IGF1R: variants seen among roughly 807,000 people sequenced by gnomAD.
IGF1R encodes insulin-like growth factor 1 receptor.
Under a neutral mutation model 144.6 loss-of-function variants are expected in IGF1R, and 44 were observed. The observed-to-expected ratio is 0.30, with a 90% CI of 0.24 to 0.39. The LOEUF (loss-of-function observed/expected upper bound fraction) is 0.39, where lower values mean the gene tolerates loss of function less well. Among genes scored for constraint, IGF1R ranks in the 10% least tolerant of loss-of-function variants. The probability of loss-of-function intolerance (pLI) is 1.00; values close to 1 mark genes in which losing one functional copy is unlikely to be tolerated. For synonymous variants in IGF1R, 795 were observed against 722.8 expected (o/e 1.10, Z -1.60); for missense variants, 1,355 against 1,833.7 (o/e 0.74, Z 4.77).
chr15:98,799,657 T>C (rs1447957784), intron 2 of IGF1R, among the ~76,000 whole-genome samples: 5 of 152,048 alleles, frequency 3.3e-5, no homozygotes, highest in Admixed American at 2.6e-4. Flanking sequence ...CCGAGTGTGG[T>C]AGAAAGGAGT....
intron 8 of IGF1R, among the ~76,000 whole-genome samples, chr15:98,915,597 G>T (rs573134897): frequency 6.6e-6 from 1 of 152,184 alleles, no homozygotes; most frequent in Non-Finnish European, 1.5e-5. Context: ...CGAAATTGCC[G>T]GAGTGCAGCA....
chr15:98,765,705 C>A (rs1481680562), intron 2 of IGF1R, among the ~76,000 whole-genome samples: 10 of 152,106 alleles, frequency 6.6e-5, no homozygotes, highest in Admixed American at 6.5e-4. Flanking sequence ...GAAAAATATT[C>A]AAAACTTACC....
chr15:98,803,748 C>T (rs1432034791), intron 2 of IGF1R, among the ~76,000 whole-genome samples: 1 of 152,092 alleles, frequency 6.6e-6, no homozygotes, highest in Non-Finnish European at 1.5e-5. Context: ...TTAAGTGATC[C>T]ACCCGCCTCG....
In IGF1R at chr15:98,935,989, T is replaced by G. The variant is rs1295612174; in HGVS notation, c.3297+563T>G. Among the ~76,000 whole-genome samples, 2 of 152,214 alleles carry G rather than the reference T, an allele frequency of 1.3e-5. No homozygotes were observed. The highest frequency in any genetic ancestry group is 2.9e-5 in the Non-Finnish European group (2 of 68,044). ...TGTTACAGTTCAAGGTTAAGCTGCC[T>G]GGATTCTTGCCCTTGCATCTGGGAA... On this transcript the variant is annotated intron_variant, in intron 17 of 20. Transcript: ENST00000650285. The surrounding 1 kb of genome is among the most constrained non-coding windows in gnomAD (Gnocchi z 4.2).
intron 2 of IGF1R, among the ~76,000 whole-genome samples, chr15:98,820,438 A>G (rs144319354): frequency 4.6e-5 from 7 of 152,348 alleles, no homozygotes; most frequent in African/African-American, 1.2e-4. Flanking sequence ...TATAATGAAC[A>G]TAATCCAACT....
At chr15:98,899,984 C>T (rs973411826) in intron 5 of IGF1R, among the ~76,000 whole-genome samples, 4 of 152,104 alleles carry the variant, frequency 2.6e-5, no homozygotes, top group South Asian at 2.1e-4. Flanking sequence ...ATTGTTCGCG[C>T]GACCCTCATC....
At chr15:98,917,231 T>A (rs1234142584) in intron 10 of IGF1R, among the ~76,000 whole-genome samples, 1 of 152,064 alleles carries the variant, frequency 6.6e-6, no homozygotes, top group Non-Finnish European at 1.5e-5. Context: ...AGGCCAGGAT[T>A]TGGGTCCATC....
chr15:98,871,127 C>T (rs536918508), intron 2 of IGF1R, among the ~76,000 whole-genome samples: 15 of 152,346 alleles, frequency 9.8e-5, no homozygotes, highest in African/African-American at 3.6e-4. Flanking sequence ...CCCACTGATC[C>T]AGGAAGAGAT....
At position 98,819,993 on chromosome 15, in the gene IGF1R, A is replaced by G. The variant is rs373845775; in HGVS notation, c.641-71332A>G. Among the ~76,000 whole-genome samples the G allele has an allele frequency of 1.8e-3, 277 of 152,330 alleles. 9 individuals carry two copies. The South Asian group carries it at 0.038, about 21-fold the overall frequency. On this transcript the variant is annotated intron_variant, in intron 2 of 20. Coordinates refer to ENST00000650285, the MANE Select transcript of IGF1R (RefSeq NM_000875.5). The stretch of plus-strand genomic sequence containing the variant: ...AAGGTAAACAGTGTCTTAGTAGTGT[A>G]TGAAAATAGTTTAATCTCATAGACC...
At chr15:98,858,710 C>A (rs541254346) in intron 2 of IGF1R, among the ~76,000 whole-genome samples, 2 of 152,206 alleles carry the variant, frequency 1.3e-5, no homozygotes, top group Non-Finnish European at 2.9e-5. Context: ...CATTGTTCAG[C>A]GCAGCAAACC....
In IGF1R at chr15:98,960,600, C is replaced by G. The variant is rs1212308861; in HGVS notation, c.*3158C>G. On this transcript the variant is annotated 3_prime_UTR_variant, in exon 21 of 21. Transcript: ENST00000650285. Reference sequence around the variant, plus strand: ...TGGGTTTGCTCCCCTTGCTGCTGCTCCATCCCTGCAGGAGGCTCGCGCTGA... The same window carrying G: ...TGGGTTTGCTCCCCTTGCTGCTGCTGCATCCCTGCAGGAGGCTCGCGCTGA... 4 of 233,490 alleles carry G rather than the reference C, an allele frequency of 1.7e-5. No individual in the cohort carries two copies. In the East Asian group the frequency reaches 1.8e-4, roughly 11 times the overall value. The allele number at this position is 233,490 out of a possible 1,614,324, so 14.5% of individuals were successfully genotyped here.
chr15:98,656,550 C>A (rs1596146557), intron 1 of IGF1R, among the ~76,000 whole-genome samples: 1 of 152,128 alleles, frequency 6.6e-6, no homozygotes, highest in Non-Finnish European at 1.5e-5. Context: ...CTCCATCACA[C>A]ACACAAAATA....
rs981570115 is a variant in IGF1R at position 98,648,639 on chromosome 15, G to C, written c.-943G>C. 6.8e-6 allele frequency among the ~76,000 whole-genome samples: 1 copy of C among 147,124 alleles called. No homozygotes were observed. Among genetic ancestry groups the C allele is most frequent in the African/African-American group, 2.4e-5 (1 of 40,818 alleles). ...AAAAAAAGGGAAAAAACCCGAGGAG[G>C]AGCGAGCGCACCAGGCGAACTCGAG... On this transcript the variant is annotated 5_prime_UTR_variant, in exon 1 of 21. Coordinates refer to ENST00000650285, the MANE Select transcript of IGF1R (RefSeq NM_000875.5).
chr15:98,667,343 A>AT (rs925730809), intron 1 of IGF1R, among the ~76,000 whole-genome samples: 188 of 150,622 alleles, frequency 1.2e-3, no homozygotes, highest in African/African-American at 3.6e-3. Context: ...TGACAGCTCA[A>AT]TTTTTTTTTT....
intron 2 of IGF1R, among the ~76,000 whole-genome samples, chr15:98,773,395 C>G (rs2055638807): frequency 6.6e-6 from 1 of 152,144 alleles, no homozygotes; most frequent in Non-Finnish European, 1.5e-5. Flanking sequence ...AGGGACAAAT[C>G]AGTTCCTTGA....
intron 1 of IGF1R, among the ~76,000 whole-genome samples, chr15:98,690,845 GGCGGGTCAGGCAGAA>G (rs1361036558): frequency 6.6e-6 from 1 of 152,122 alleles, no homozygotes; most frequent in Non-Finnish European, 1.5e-5. Flanking sequence ...GGGCGGTGTT[GGCGGGTCAGGCAGAA>G]GCAAGCCACA....
intron 2 of IGF1R, among the ~76,000 whole-genome samples, chr15:98,798,795 A>G (rs2056301787): frequency 6.6e-6 from 1 of 152,054 alleles, no homozygotes; most frequent in African/African-American, 2.4e-5. Flanking sequence ...TGTGTTGGAA[A>G]GTTAGCAGAG....
rs188625918 is a variant in IGF1R at position 98,941,807 on chromosome 15, A to G, written c.3458-1116A>G. Among the ~76,000 whole-genome samples, 116 of 152,334 alleles carry G rather than the reference A, an allele frequency of 7.6e-4. 1 individual carries two copies. The Middle Eastern group carries it at 0.01, about 13-fold the overall frequency. On this transcript the variant is annotated intron_variant, in intron 18 of 20. Coordinates refer to ENST00000650285, the MANE Select transcript of IGF1R (RefSeq NM_000875.5). ...TTTTGTAGCCTTACCTCTTTGGGGC[A>G]TGAGTTAGAGACATACATGAGCATT...
rs551139125 is a variant in IGF1R, at chr15:98,855,977, A to G, written c.641-35348A>G. ...GCAGAGTGGCCGTAGAGGCTGCAAC[A>G]CGGTGGCCAAAGCATGAAGCTGCTG... On this transcript the variant is annotated intron_variant, in intron 2 of 20. Coordinates refer to ENST00000650285, the MANE Select transcript of IGF1R (RefSeq NM_000875.5). 2.4e-3 allele frequency among the ~76,000 whole-genome samples: 371 copies of G among 152,360 alleles called. 1 individual carries two copies. The highest frequency in any genetic ancestry group is 4.1e-3 in the Non-Finnish European group (276 of 68,034).
Sources: gnomAD v4.1 joint callset for allele counts (sites outside exome capture counted in the v4.1 genomes callset) on GRCh38, gnomAD v4.1.1 for gene constraint, Gnocchi (gnomAD v3.1) non-coding constraint, MANE v1.5 for transcripts, NCBI Gene and HGNC (gene_info 2026-07-23, HGNC 2026-07-21) for gene names.